The following LRP5 variants were observed in gnomAD, a reference collection of about 807,000 sequenced individuals.
LRP5 encodes the protein LDL receptor related protein 5.
Under a neutral mutation model 154.1 loss-of-function variants are expected in LRP5, and 62 were observed. That is an observed-to-expected ratio of 0.40 (90% CI 0.33 to 0.50). The LOEUF is 0.50. Among genes scored for constraint, LRP5 ranks in the 20% least tolerant of loss-of-function variants. The pLI is 0.55. For missense variants in LRP5, 1,915 were observed against 2,336.7 expected, an observed-to-expected ratio of 0.82 and a Z score of 3.72; for synonymous variants, 966 against 1,011.5, an observed-to-expected ratio of 0.96 and a Z score of 0.85.
intron 7 of LRP5, among the ~76,000 whole-genome samples, chr11:68,391,032 A>G (rs2098646023): frequency 6.6e-6 from 1 of 152,144 alleles, no homozygotes; most frequent in African/African-American, 2.4e-5. Context: ...CAGTGGCGCG[A>G]TCTCAGCTCA....
intron 5 of LRP5, among the ~76,000 whole-genome samples, chr11:68,380,502 A>T (rs1281582591): frequency 2.0e-5 from 3 of 152,052 alleles, no homozygotes; most frequent in African/African-American, 7.2e-5. Flanking sequence ...GAAGGATAGG[A>T]CCCGTCCGAC....
At chr11:68,317,197 C>T (rs1450905705) in intron 1 of LRP5, among the ~76,000 whole-genome samples, 1 of 152,216 alleles carries the variant, frequency 6.6e-6, no homozygotes, top group Non-Finnish European at 1.5e-5. Flanking sequence ...CTCTTCAGCT[C>T]TGGAGAGCCG....
At chr11:68,414,630 GT>G (rs144718501) in intron 12 of LRP5, among the ~76,000 whole-genome samples, 3,711 of 152,314 alleles carry the variant, frequency 0.024, 151 homozygotes, top group African/African-American at 0.085. Context: ...GAGTACAGGT[GT>G]TTCCTGTTGG....
chr11:68,315,875 G>C (rs529693681), intron 1 of LRP5, among the ~76,000 whole-genome samples: 59 of 152,338 alleles, frequency 3.9e-4, no homozygotes, highest in Non-Finnish European at 8.1e-4. Flanking sequence ...CTTTAGGCAG[G>C]AGTTACAGGA....
chr11:68,341,059 C>CCTTTTTTTTTTTTTTTT (rs1555071026), intron 1 of LRP5, among the ~76,000 whole-genome samples: 23 of 83,474 alleles, frequency 2.8e-4, no homozygotes, highest in African/African-American at 9.5e-4. Flanking sequence ...GGAGATTGTT[C>CCTTTTTTTTTTTTTTTT]TTTTTTTTTT....
chr11:68,358,373 A>G (rs968736928), intron 3 of LRP5, among the ~76,000 whole-genome samples: 2 of 152,174 alleles, frequency 1.3e-5, no homozygotes, highest in African/African-American at 4.8e-5. Context: ...CTCGGCTCCC[A>G]GAGTGCTGGG....
At chr11:68,425,370 C>G (rs899471185) in intron 15 of LRP5, 78 bp downstream of exon 15, 2 of 1,443,204 alleles carry the variant, frequency 1.4e-6, no homozygotes, top group African/African-American at 1.4e-5. Context: ...CCACATTGTC[C>G]GAGACCTGCC....
chr11:68,380,449 C>A (rs1317712219), intron 5 of LRP5, among the ~76,000 whole-genome samples: 1 of 152,266 alleles, frequency 6.6e-6, no homozygotes, highest in East Asian at 1.9e-4. Context: ...TGCTCTCTGG[C>A]CCTTCCCAGA....
At chr11:68,416,741 G>A (rs748620649) in intron 13 of LRP5, among the ~76,000 whole-genome samples, 15 of 152,186 alleles carry the variant, frequency 9.9e-5, no homozygotes, top group Non-Finnish European at 1.5e-4. Flanking sequence ...GGGTTTCCCC[G>A]TTGTTTAAGT....
At chr11:68,364,358 A>ATGTGTGTGTG (rs113821152) in intron 4 of LRP5, among the ~76,000 whole-genome samples, 16,229 of 145,340 alleles carry the variant, frequency 0.11, 1,114 homozygotes, top group Non-Finnish European at 0.16. Flanking sequence ...ATACATATAT[A>ATGTGTGTGTG]TGTGTGTGTG....
Position 68,449,120 on chromosome 11 carries a change from A to C in LRP5, c.*50A>C, listed in dbSNP as rs2098683066. ...TCTGTGCCCCTGTAAATAGTTTTAA[A>C]TATGAACAAAGAAAAAAATATATTT... is the stretch of plus-strand genomic sequence containing the variant. On this transcript the variant is annotated 3_prime_UTR_variant, in exon 23 of 23. Transcript: ENST00000294304. 2 of 1,419,234 alleles carry C rather than the reference A, an allele frequency of 1.4e-6. No homozygotes were observed. Among genetic ancestry groups the C allele is most frequent in the Admixed American group, 2.3e-5 (1 of 42,814 alleles). The allele number at this position is 1,419,234 out of a possible 1,614,324, so 87.9% of individuals were successfully genotyped here.
At chr11:68,335,971 G>A (rs983803567) in intron 1 of LRP5, among the ~76,000 whole-genome samples, 1 of 152,218 alleles carries the variant, frequency 6.6e-6, no homozygotes, top group African/African-American at 2.4e-5. Flanking sequence ...ATAAATAAAT[G>A]TTAGCAAGTA....
chr11:68,445,429 C>G, intron 21 of LRP5: 1 of 370,240 alleles, frequency 2.7e-6, no homozygotes, highest in South Asian at 2.1e-5. Context: ...CCCCAGGGAT[C>G]CTGCTGCAGC....
At chr11:68,307,898 A>G (rs2098584871), upstream of LRP5, among the ~76,000 whole-genome samples, 1 of 152,238 alleles carries the variant, frequency 6.6e-6, no homozygotes, top group Admixed American at 6.5e-5. Flanking sequence ...ACTGAGAGAT[A>G]AGAAATAGAG....
At chr11:68,300,358 C>A in the LRP5 span, among the ~76,000 whole-genome samples, 2 of 149,378 alleles carry the variant, frequency 1.3e-5, no homozygotes, top group Admixed American at 6.7e-5. Flanking sequence ...CACTTCCTCG[C>A]TGCATGACCC....
intron 5 of LRP5, among the ~76,000 whole-genome samples, chr11:68,371,361 T>C (rs768104407): frequency 6.6e-6 from 1 of 152,146 alleles, no homozygotes; most frequent in Non-Finnish European, 1.5e-5. Flanking sequence ...CGGCCTAGCA[T>C]TGAAGCTGGT....
Position 68,411,349 on chromosome 11 carries a change from G to A in LRP5, c.2319-87G>A, listed in dbSNP as rs568004344. Reference sequence around the variant, plus strand: ...GGACGGGGAGGGCTGAGCTGAAGAGGTGGGGACAGTTGCGTCCCCCCGCCA... The same window carrying A: ...GGACGGGGAGGGCTGAGCTGAAGAGATGGGGACAGTTGCGTCCCCCCGCCA... On this transcript the variant is annotated intron_variant, in intron 10 of 22. Transcript: ENST00000294304. The A allele has an allele frequency of 1.3e-3, 1,927 of 1,431,298 alleles. 3 individuals carry two copies. Among genetic ancestry groups the A allele is most frequent in the Non-Finnish European group, 1.7e-3 (1,814 of 1,039,528 alleles). 88.7% of individuals were successfully genotyped at this position (1,431,298 alleles called of 1,614,324 possible). A position where few individuals can be genotyped will look rare whatever the true frequency, so the allele number is the denominator to read the frequency against.
chr11:68,398,180 C>A (rs1221788243), intron 7 of LRP5, among the ~76,000 whole-genome samples: 2 of 152,166 alleles, frequency 1.3e-5, no homozygotes, highest in Non-Finnish European at 1.5e-5. Context: ...GGGCTCATGT[C>A]TGTTTGCACA....
chr11:68,365,297 C>A (rs2098630340), intron 4 of LRP5, among the ~76,000 whole-genome samples: 2 of 151,852 alleles, frequency 1.3e-5, no homozygotes, highest in Non-Finnish European at 2.9e-5. Flanking sequence ...ATGGGCAGGT[C>A]ACATCTGGGT....
Sources: allele counts gnomAD v4.1 joint callset (sites outside exome capture counted in the v4.1 genomes callset), GRCh38; gene constraint gnomAD v4.1.1; transcripts MANE v1.5; gene names NCBI Gene and HGNC (gene_info 2026-07-23, HGNC 2026-07-21).